Variants in DDAH1 observed in about 807,000 individuals in gnomAD.
DDAH1 encodes N(G),N(G)-dimethylarginine dimethylaminohydrolase 1.
Under a neutral mutation model 28.8 loss-of-function variants are expected in DDAH1, and 19 were observed. That is an observed-to-expected ratio of 0.66 (90% confidence interval 0.46 to 0.97). The LOEUF is 0.97. Ranked by LOEUF, DDAH1 falls within the 50% of genes least tolerant of loss-of-function variation. The probability of loss-of-function intolerance (pLI) is 0.00; values close to 1 mark genes in which losing one functional copy is unlikely to be tolerated. For missense variants in DDAH1, 326 were observed against 375.9 expected (o/e 0.87, Z 1.10); for synonymous variants, 153 against 154.4 (o/e 0.99, Z 0.07).
chr1:85,450,187 C>T (rs1366569797), intron 1 of DDAH1, among the ~76,000 whole-genome samples: 1 of 152,146 alleles, frequency 6.6e-6, no homozygotes, highest in Non-Finnish European at 1.5e-5. Context: ...TCATGCTTAT[C>T]TCTCCAATTA....
At chr1:85,568,651 T>A (rs1025731708) in intron 1 of DDAH1, among the ~76,000 whole-genome samples, 70 of 152,160 alleles carry the variant, frequency 4.6e-4, no homozygotes, top group African/African-American at 1.6e-3. Context: ...AAAATAAAAA[T>A]ATGCAATTCC....
chr1:85,563,185 T>C (rs941001792), intron 1 of DDAH1, among the ~76,000 whole-genome samples: 3 of 152,058 alleles, frequency 2.0e-5, no homozygotes, highest in Non-Finnish European at 4.4e-5. Context: ...TGTCTAGAGA[T>C]AATGGGCAGA....
intron 2 of DDAH1, among the ~76,000 whole-genome samples, chr1:85,490,611 A>G (rs1234009698): frequency 1.3e-5 from 2 of 152,260 alleles, no homozygotes; most frequent in African/African-American, 4.8e-5. Flanking sequence ...ATCTGTTAAA[A>G]TAATGCTTTC....
At position 85,351,730 on chromosome 1, in the gene DDAH1, A is replaced by G. The variant is rs907854461; in HGVS notation, c.404-151T>C. ...TAAAGAGACTACAAAAAATGATTTC[A>G]AACTACTGCCCTTAAGAATAAACTT... On this transcript the variant is annotated intron_variant, in intron 2 of 5. Coordinates refer to ENST00000284031, the MANE Select transcript of DDAH1 (RefSeq NM_012137.4). 8.3e-6 allele frequency: 5 copies of G among 601,216 alleles called. No individual in the cohort carries two copies. The African/African-American group carries it at 9.5e-5, about 11-fold the overall frequency. 37.2% of individuals were successfully genotyped at this position (601,216 alleles called of 1,614,324 possible).
intron 1 of DDAH1, among the ~76,000 whole-genome samples, chr1:85,442,499 A>C (rs28816748): frequency 0.044 from 6,668 of 152,200 alleles, 249 homozygotes; most frequent in South Asian, 0.18. Context: ...AAGTGTGCAA[A>C]TGTCTTTATA....
chr1:85,557,304 A>G (rs1223957409), intron 1 of DDAH1, among the ~76,000 whole-genome samples: 1 of 152,222 alleles, frequency 6.6e-6, no homozygotes, highest in Non-Finnish European at 1.5e-5. Flanking sequence ...AGTAACAGCT[A>G]ATCTTTATTG....
At chr1:85,547,151 C>A (rs1448665722) in intron 1 of DDAH1, among the ~76,000 whole-genome samples, 1 of 152,170 alleles carries the variant, frequency 6.6e-6, no homozygotes, top group East Asian at 1.9e-4. Flanking sequence ...AGTACTGGAA[C>A]CACCACTCAC....
At chr1:85,362,406 C>A (rs1053389683) in intron 1 of DDAH1, among the ~76,000 whole-genome samples, 1 of 152,240 alleles carries the variant, frequency 6.6e-6, no homozygotes, top group African/African-American at 2.4e-5. Context: ...CTAAGGGACC[C>A]AATCAGTCTA....
intron 2 of DDAH1, among the ~76,000 whole-genome samples, chr1:85,492,082 C>T (rs750469410): frequency 6.6e-5 from 10 of 152,102 alleles, no homozygotes; most frequent in Non-Finnish European, 1.2e-4. Context: ...GATGAGGAAG[C>T]TGAGATGCAA....
chr1:85,323,551 C>T (rs898347383), intron 5 of DDAH1, among the ~76,000 whole-genome samples: 4 of 152,188 alleles, frequency 2.6e-5, no homozygotes, highest in African/African-American at 4.8e-5. Flanking sequence ...TGGCTGATTT[C>T]GAGTGTACCA....
chr1:85,539,690 C>A (rs1379307657), intron 1 of DDAH1, among the ~76,000 whole-genome samples: 2 of 151,644 alleles, frequency 1.3e-5, no homozygotes, highest in East Asian at 3.9e-4. Context: ...TTCTCCCCCT[C>A]AATTACCCCT....
chr1:85,410,294 T>C (rs1652589160), intron 1 of DDAH1, among the ~76,000 whole-genome samples: 1 of 151,424 alleles, frequency 6.6e-6, no homozygotes, highest in African/African-American at 2.4e-5. Flanking sequence ...GGAAAAAAAA[T>C]AGATCTACAG....
chr1:85,497,759 T>C (rs954403331), intron 1 of DDAH1, among the ~76,000 whole-genome samples: 133 of 152,320 alleles, frequency 8.7e-4, no homozygotes, highest in Non-Finnish European at 9.8e-4. Context: ...AAAATAAGAT[T>C]ATAAAATGTA....
At chr1:85,462,767 T>C (rs1366873139) in intron 1 of DDAH1, among the ~76,000 whole-genome samples, 1 of 152,184 alleles carries the variant, frequency 6.6e-6, no homozygotes, top group Non-Finnish European at 1.5e-5. Flanking sequence ...GGGAGGCCTG[T>C]TACCCTGGTG....
intron 1 of DDAH1, among the ~76,000 whole-genome samples, chr1:85,438,741 G>C (rs1310902359): frequency 1.3e-5 from 2 of 152,180 alleles, no homozygotes; most frequent in Non-Finnish European, 2.9e-5. Flanking sequence ...TAAATAACCA[G>C]AACAGGGATC....
intron 1 of DDAH1, among the ~76,000 whole-genome samples, chr1:85,547,737 C>T (rs1015036178): frequency 6.6e-6 from 1 of 152,152 alleles, no homozygotes; most frequent in African/African-American, 2.4e-5. Context: ...TTAAGAAGAG[C>T]TTTTACTCTG....
At chr1:85,389,530 C>T (rs879210525) in intron 1 of DDAH1, among the ~76,000 whole-genome samples, 2 of 152,106 alleles carry the variant, frequency 1.3e-5, no homozygotes, top group East Asian at 1.9e-4. Flanking sequence ...ACCCTGTGCT[C>T]AATGCTTTAC....
chr1:85,349,365 T>TA (rs1223589882), intron 4 of DDAH1, among the ~76,000 whole-genome samples: 3 of 152,146 alleles, frequency 2.0e-5, no homozygotes. Context: ...AGGAAACGAT[T>TA]GCTTCCCAGC....
intron 1 of DDAH1, among the ~76,000 whole-genome samples, chr1:85,436,173 A>C (rs957091557): frequency 2.6e-5 from 4 of 152,160 alleles, no homozygotes; most frequent in African/African-American, 7.2e-5. Context: ...AGGTGAAAAA[A>C]GGTCTCCTTA....
Sources: gnomAD v4.1 joint callset for allele counts (sites outside exome capture counted in the v4.1 genomes callset) on GRCh38, gnomAD v4.1.1 for gene constraint, MANE v1.5 for transcripts, NCBI Gene and HGNC (gene_info 2026-07-23, HGNC 2026-07-21) for gene names.